MAN1A2: variants seen among roughly 807,000 people sequenced by gnomAD.
The protein encoded by MAN1A2 is mannosyl-oligosaccharide 1,2-alpha-mannosidase IB.
A neutral mutation model predicts 75.7 loss-of-function variants in MAN1A2; 26 were observed. The ratio of observed to expected loss-of-function variants is 0.34; its 90% CI spans 0.25 to 0.48. The LOEUF is 0.48. Ranked by LOEUF, MAN1A2 falls within the 20% of genes least tolerant of loss-of-function variation. The probability of loss-of-function intolerance (pLI) is 0.99; values close to 1 mark genes in which losing one functional copy is unlikely to be tolerated. For synonymous variants in MAN1A2, 247 were observed against 264.6 expected (o/e 0.93, Z 0.65); for missense variants, 562 against 775.5 (o/e 0.72, Z 3.27).
Position 117,522,953 on chromosome 1 carries a change from G to T in MAN1A2, c.1922G>T (p.Arg641Leu). The change falls in exon 13 of 13, where the codon CGA (arginine) becomes CTA (leucine). Residue 641 changes from arginine to leucine, a missense_variant. Arg to Leu is a moderately radical substitution (Grantham distance 102). Coordinates refer to ENST00000356554, the MANE Select transcript of MAN1A2 (RefSeq NM_006699.5). Reference protein sequence around the residue: ...NTTLSGNPAVR With the variant: ...NTTLSGNPAVL ...ACACTTTCAGGTAATCCTGCTGTTC[G>T]ATGAAAGCAGTTCCAGAAGGACCAT... The T allele has an allele frequency of 1.2e-6, 2 of 1,610,672 alleles. No individual in the cohort carries two copies. The highest frequency in any genetic ancestry group is 1.7e-6 in the Non-Finnish European group (2 of 1,178,308).
At chr1:117,464,840 C>G (rs531144135) in intron 7 of MAN1A2, among the ~76,000 whole-genome samples, 1 of 152,074 alleles carries the variant, frequency 6.6e-6, no homozygotes, top group Non-Finnish European at 1.5e-5. Context: ...GGACTCTTAC[C>G]TGGTGTTTTA....
chr1:117,486,837 A>G (rs1457715141), intron 8 of MAN1A2, among the ~76,000 whole-genome samples: 1 of 152,004 alleles, frequency 6.6e-6, no homozygotes, highest in Non-Finnish European at 1.5e-5. Flanking sequence ...GAGCTGAAAG[A>G]TACTGATCTT....
chr1:117,404,830 G>A lies in MAN1A2; in HGVS notation c.559-719G>A, dbSNP rs541803155. On this transcript the variant is annotated intron_variant, in intron 2 of 12. Transcript: ENST00000356554. The stretch of plus-strand genomic sequence containing the variant: ...AGCACTTTGGGAGGCCAAAGTGGGC[G>A]GATCATGAGGTCAGGAGATCAAGAC... Among the ~76,000 whole-genome samples the A allele has an allele frequency of 2.7e-3, 415 of 152,128 alleles. 3 individuals are homozygous for A. Among genetic ancestry groups the A allele is most frequent in the Non-Finnish European group, 3.4e-3 (229 of 68,006 alleles).
At chr1:117,505,149 G>T (rs1570798924) in intron 12 of MAN1A2, among the ~76,000 whole-genome samples, 1 of 151,318 alleles carries the variant, frequency 6.6e-6, no homozygotes, top group African/African-American at 2.4e-5. Flanking sequence ...TCTTGCATTT[G>T]TCTATTTTAT....
At chr1:117,443,642 A>G (rs556610030) in intron 6 of MAN1A2, among the ~76,000 whole-genome samples, 1 of 152,302 alleles carries the variant, frequency 6.6e-6, no homozygotes, top group East Asian at 1.9e-4. Flanking sequence ...TTAAAGTAAA[A>G]AGGTTTCCAA....
At chr1:117,461,329 C>A (rs2101836221) in intron 7 of MAN1A2, among the ~76,000 whole-genome samples, 1 of 152,156 alleles carries the variant, frequency 6.6e-6, no homozygotes, top group East Asian at 1.9e-4. Flanking sequence ...TGTTCTCATT[C>A]ATATGTGGGA....
chr1:117,386,852 A>C (rs1482457392), intron 1 of MAN1A2, among the ~76,000 whole-genome samples: 3 of 151,936 alleles, frequency 2.0e-5, no homozygotes, highest in Non-Finnish European at 2.9e-5. Context: ...AGGAGGCTGT[A>C]GGGAGCTATG....
intron 1 of MAN1A2, among the ~76,000 whole-genome samples, chr1:117,392,052 C>T (rs568799385): frequency 3.2e-4 from 48 of 152,130 alleles, no homozygotes; most frequent in African/African-American, 1.1e-3. Context: ...ACTCCTTTTC[C>T]TACTTCCAGC....
chr1:117,430,320 C>T (rs1648584689), intron 5 of MAN1A2, among the ~76,000 whole-genome samples: 1 of 131,980 alleles, frequency 7.6e-6, no homozygotes, highest in Non-Finnish European at 1.7e-5. Context: ...ACCCCCCCCA[C>T]CTCCCTCCCG....
intron 5 of MAN1A2, among the ~76,000 whole-genome samples, chr1:117,425,484 T>C (rs1031907139): frequency 6.6e-5 from 10 of 152,112 alleles, no homozygotes; most frequent in Non-Finnish European, 1.2e-4. Flanking sequence ...TAGCAATATA[T>C]AAAAAGGGTA....
chr1:117,473,173 T>C (rs1201205497), intron 8 of MAN1A2, among the ~76,000 whole-genome samples: 2 of 152,004 alleles, frequency 1.3e-5, no homozygotes, highest in Admixed American at 1.3e-4. Flanking sequence ...AAACCTGTTA[T>C]TCCTCCAGTC....
intron 7 of MAN1A2, among the ~76,000 whole-genome samples, chr1:117,461,164 GTT>G (rs1421554999): frequency 6.6e-6 from 1 of 152,072 alleles, no homozygotes; most frequent in Non-Finnish European, 1.5e-5. Context: ...AAGTATATAT[GTT>G]TCCTACAAAT....
At chr1:117,456,062 A>G (rs1649571956) in intron 6 of MAN1A2, among the ~76,000 whole-genome samples, 1 of 152,102 alleles carries the variant, frequency 6.6e-6, no homozygotes, top group South Asian at 2.1e-4. Flanking sequence ...AAAAGCCCTT[A>G]AAGCTTGTTT....
At chr1:117,377,902 C>G (rs772689894) in intron 1 of MAN1A2, among the ~76,000 whole-genome samples, 35 of 152,060 alleles carry the variant, frequency 2.3e-4, no homozygotes, top group Non-Finnish European at 4.0e-4. Context: ...TGATTGAGAC[C>G]ATCCTGGCTA....
At chr1:117,485,027 A>G (rs1650627064) in intron 8 of MAN1A2, among the ~76,000 whole-genome samples, 1 of 151,970 alleles carries the variant, frequency 6.6e-6, no homozygotes, top group African/African-American at 2.4e-5. Context: ...CAAGGGTTAA[A>G]TGTTTTATGA....
At chr1:117,420,460 A>C in intron 4 of MAN1A2, 109 bp from the exon 5 acceptor site, 1 of 767,458 alleles carries the variant, frequency 1.3e-6, no homozygotes. Flanking sequence ...CAGAAAGTAG[A>C]AAAATATTTT....
Position 117,405,957 on chromosome 1 carries a change from A to G in MAN1A2, c.655+312A>G, listed in dbSNP as rs1179776644. Among the ~76,000 whole-genome samples, 3 of 152,228 alleles carry G rather than the reference A, an allele frequency of 2.0e-5. No individual in the cohort carries two copies. The East Asian group carries it at 5.8e-4, about 29-fold the overall frequency. On this transcript the variant is annotated intron_variant, in intron 3 of 12. Coordinates refer to ENST00000356554, the MANE Select transcript of MAN1A2 (RefSeq NM_006699.5). ...CACCTACTTGTCATTTTTTTCTTCA[A>G]CACAATACCTATTCTGATATTCACA...
chr1:117,512,719 T>G (rs1403353441), intron 12 of MAN1A2, among the ~76,000 whole-genome samples: 1 of 148,344 alleles, frequency 6.7e-6, no homozygotes, highest in African/African-American at 2.5e-5. Context: ...TATGTCCTAA[T>G]ACAATGCAAT....
intron 5 of MAN1A2, among the ~76,000 whole-genome samples, chr1:117,429,312 G>A (rs1648494209): frequency 1.4e-5 from 2 of 139,890 alleles, no homozygotes; most frequent in Admixed American, 1.4e-4. Context: ...TCAGTGAGCT[G>A]TTGGGCACAC....
Sources: allele counts gnomAD v4.1 joint callset (sites outside exome capture counted in the v4.1 genomes callset), GRCh38; gene constraint gnomAD v4.1.1; transcripts MANE v1.5; gene names NCBI Gene and HGNC (gene_info 2026-07-23, HGNC 2026-07-21).